The following DRC10 variants were observed in gnomAD, a reference collection of about 807,000 sequenced individuals.
DRC10 encodes the protein dynein regulatory complex subunit 10, also known as IQ domain-containing protein D.
At chr12:113,208,349 A>T in the DRC10 span, 2 of 1,411,364 alleles carry the variant, frequency 1.4e-6, no homozygotes, top group Non-Finnish European at 1.8e-6. Context: ...TGACATCAAG[A>T]GTTCATCTTA....
the DRC10 span, among the ~76,000 whole-genome samples, chr12:113,217,385 G>A: frequency 6.6e-6 from 1 of 151,276 alleles, no homozygotes; most frequent in Non-Finnish European, 1.5e-5. Context: ...TTCACCCATT[G>A]TAAGTGTAAA....
the DRC10 span, chr12:113,195,837 T>G: frequency 6.2e-7 from 1 of 1,613,640 alleles, no homozygotes; most frequent in Non-Finnish European, 8.5e-7. Flanking sequence ...CCTGAGCTCC[T>G]CCAGCGAGAT....
At chr12:113,219,702 T>G in the DRC10 span, among the ~76,000 whole-genome samples, 1 of 152,218 alleles carries the variant, frequency 6.6e-6, no homozygotes, top group East Asian at 1.9e-4. Flanking sequence ...ACAGGGTTTT[T>G]CGCTCTGTCG....
At chr12:113,215,530 T>TA in the DRC10 span, among the ~76,000 whole-genome samples, 1 of 152,242 alleles carries the variant, frequency 6.6e-6, no homozygotes, top group African/African-American at 2.4e-5. Context: ...TTTACTATTT[T>TA]GTTTTTAATT....
chr12:113,218,070 T>A, the DRC10 span, among the ~76,000 whole-genome samples: 4 of 152,140 alleles, frequency 2.6e-5, no homozygotes, highest in Admixed American at 2.6e-4. Flanking sequence ...ATTGGCAGGA[T>A]AGTTCCCCAC....
chr12:113,198,713 T>TG, the DRC10 span, among the ~76,000 whole-genome samples: 1 of 152,110 alleles, frequency 6.6e-6, no homozygotes, highest in Non-Finnish European at 1.5e-5. Flanking sequence ...GTGGTGGAAG[T>TG]GGGGGTGGCA....
At chr12:113,220,402 C>T in the DRC10 span, among the ~76,000 whole-genome samples, 4 of 152,130 alleles carry the variant, frequency 2.6e-5, no homozygotes, top group South Asian at 2.1e-4. Flanking sequence ...ATTACAGGTG[C>T]GCCTCCATGC....
chr12:113,203,656 A>T, the DRC10 span, among the ~76,000 whole-genome samples: 1 of 151,466 alleles, frequency 6.6e-6, no homozygotes, highest in Non-Finnish European at 1.5e-5. Flanking sequence ...TTATATTATG[A>T]GTAGAGATGG....
At chr12:113,213,197 A>AAAAAAAAAC in the DRC10 span, among the ~76,000 whole-genome samples, 1 of 150,348 alleles carries the variant, frequency 6.7e-6, no homozygotes, top group African/African-American at 2.5e-5. Context: ...AAAAAAAAAA[A>AAAAAAAAAC]AAAAAAACCA....
the DRC10 span, among the ~76,000 whole-genome samples, chr12:113,220,299 G>A: frequency 2.0e-5 from 3 of 151,786 alleles, no homozygotes; most frequent in African/African-American, 7.3e-5. Flanking sequence ...TCTGTTGCCC[G>A]GGCTGGAGTG....
At chr12:113,207,284 G>A in the DRC10 span, 1 of 731,394 alleles carries the variant, frequency 1.4e-6, no homozygotes, top group African/African-American at 1.7e-5. Flanking sequence ...GGAGGCAGAG[G>A]TTGCAGTGAG....
At chr12:113,195,935 C>T in the DRC10 span, 1 of 1,546,192 alleles carries the variant, frequency 6.5e-7, no homozygotes, top group Non-Finnish European at 8.7e-7. Flanking sequence ...AGAGTGCCTC[C>T]TCCCACCCTC....
At chr12:113,201,964 C>A in the DRC10 span, among the ~76,000 whole-genome samples, 1 of 152,222 alleles carries the variant, frequency 6.6e-6, no homozygotes, top group Non-Finnish European at 1.5e-5. Flanking sequence ...GGTTCAATGA[C>A]ATGAAATTTG....
At chr12:113,213,176 T>TAA in the DRC10 span, among the ~76,000 whole-genome samples, 62 of 63,582 alleles carry the variant, frequency 9.8e-4, no homozygotes, top group Non-Finnish European at 1.3e-3. Flanking sequence ...CAGAGGGTGC[T>TAA]AAAAAAAAAA....
the DRC10 span, among the ~76,000 whole-genome samples, chr12:113,198,499 A>C: frequency 6.6e-6 from 1 of 152,222 alleles, no homozygotes; most frequent in East Asian, 1.9e-4. Flanking sequence ...GTGAACCTTG[A>C]AAACACAGTG....
At chr12:113,220,533 C>T in the DRC10 span, among the ~76,000 whole-genome samples, 53 of 152,054 alleles carry the variant, frequency 3.5e-4, no homozygotes, top group Non-Finnish European at 6.2e-4. Flanking sequence ...GGATTACAGG[C>T]GTGAGCCACC....
chr12:113,200,606 G>A, the DRC10 span: 19 of 1,447,440 alleles, frequency 1.3e-5, no homozygotes, highest in East Asian at 1.6e-4. Flanking sequence ...TCTGCCTCCC[G>A]GTTCTCCATG....
chr12:113,215,983 T>C, the DRC10 span, among the ~76,000 whole-genome samples: 2 of 152,232 alleles, frequency 1.3e-5, no homozygotes, highest in South Asian at 2.1e-4. Context: ...CTGCTCTTAC[T>C]GTACGATCCA....
chr12:113,206,688 G>A, the DRC10 span, among the ~76,000 whole-genome samples: 4 of 152,042 alleles, frequency 2.6e-5, no homozygotes, highest in East Asian at 7.7e-4. Flanking sequence ...ACAGGAGGCG[G>A]AGGTTGCAGT....
Sources: gnomAD v4.1 joint callset for allele counts (sites outside exome capture counted in the v4.1 genomes callset) on GRCh38, gnomAD v4.1.1 for gene constraint, MANE v1.5 for transcripts, NCBI Gene and HGNC (gene_info 2026-07-23, HGNC 2026-07-21) for gene names.